The following SLC39A11 variants were observed in gnomAD, a reference collection of about 807,000 sequenced individuals.
SLC39A11 encodes the protein zinc transporter ZIP11.
In SLC39A11, 33 loss-of-function variants were observed where a neutral mutation model predicts 36.1. That is an observed-to-expected ratio of 0.91 (90% CI 0.69 to 1.22). The LOEUF (loss-of-function observed/expected upper bound fraction) is 1.22, where lower values mean the gene tolerates loss of function less well. Ranked by LOEUF, SLC39A11 falls within the 50% of genes most tolerant of loss-of-function variation. The pLI is 0.00. For synonymous variants in SLC39A11, 166 were observed against 170.3 expected (o/e 0.97, Z 0.20); for missense variants, 432 against 430.3 (o/e 1.00, Z -0.03).
At position 73,078,492 on chromosome 17, in the gene SLC39A11, G is replaced by GTT. The variant is rs200061489; in HGVS notation, c.147+6314_147+6315dup. Among the ~76,000 whole-genome samples the GTT allele has an allele frequency of 6.2e-4, 87 of 140,518 alleles. 1 individual carries two copies. Among genetic ancestry groups the GTT allele is most frequent in the African/African-American group, 1.2e-3 (47 of 38,884 alleles). The allele number at this position is 140,518 out of a possible 152,430, so 92.2% of individuals were successfully genotyped here. ...TTAGTCTTTTGTTTGTTTGTTTTTT[G>GTT]TTGTTTTTTTTTTTGAGACGGTCTC... On this transcript the variant is annotated intron_variant, in intron 3 of 9. Transcript: ENST00000255559.
chr17:73,068,096 G>C, intron 3 of SLC39A11: 12 of 1,425,732 alleles, frequency 8.4e-6, no homozygotes, highest in Non-Finnish European at 1.2e-5. Flanking sequence ...CATAATAGGA[G>C]TATCTCCCAC....
chr17:72,932,822 G>A (rs957850118), intron 5 of SLC39A11, among the ~76,000 whole-genome samples: 13 of 152,258 alleles, frequency 8.5e-5, no homozygotes, highest in Non-Finnish European at 1.6e-4. Context: ...TCTAGCAGCC[G>A]CTAAGGAGTC....
At chr17:72,737,337 T>C (rs1463063775) in intron 6 of SLC39A11, among the ~76,000 whole-genome samples, 1 of 152,164 alleles carries the variant, frequency 6.6e-6, no homozygotes, top group African/African-American at 2.4e-5. Flanking sequence ...GTAAATGAAG[T>C]TGTACTGGCA....
At chr17:72,842,942 G>A (rs1384730433) in intron 6 of SLC39A11, among the ~76,000 whole-genome samples, 7 of 151,940 alleles carry the variant, frequency 4.6e-5, no homozygotes, top group Admixed American at 4.6e-4. Context: ...CTAAAGGGGA[G>A]GGTTTTTTGC....
Position 72,762,762 on chromosome 17 carries a change from C to T in SLC39A11, c.602-26043G>A, listed in dbSNP as rs17836559. Among the ~76,000 whole-genome samples, 744 of 152,268 alleles carry T rather than the reference C, an allele frequency of 4.9e-3. 17 individuals are homozygous for T. The East Asian group carries it at 0.07, about 14-fold the overall frequency. On this transcript the variant is annotated intron_variant, in intron 6 of 9. Coordinates refer to ENST00000255559, the MANE Select transcript of SLC39A11 (RefSeq NM_139177.4). ...ATTGCGTACCTCCTTAACCTTGTTTCCTCAGACCCATGGCAGACCTTCCCA... is the reference window on the plus strand; with the variant it reads ...ATTGCGTACCTCCTTAACCTTGTTTTCTCAGACCCATGGCAGACCTTCCCA...
At chr17:72,977,287 C>T (rs1183555142) in intron 4 of SLC39A11, among the ~76,000 whole-genome samples, 1 of 152,192 alleles carries the variant, frequency 6.6e-6, no homozygotes, top group Non-Finnish European at 1.5e-5. Flanking sequence ...CTCCCGCAGC[C>T]CTGCTGTATC....
At chr17:72,754,041 T>TAC (rs1241544622) in intron 6 of SLC39A11, among the ~76,000 whole-genome samples, 23 of 54,540 alleles carry the variant, frequency 4.2e-4, no homozygotes, top group Non-Finnish European at 6.8e-4. Context: ...TATATATATA[T>TAC]ATATACACAT....
At chr17:72,998,068 A>G (rs934606831) in intron 4 of SLC39A11, among the ~76,000 whole-genome samples, 3 of 152,168 alleles carry the variant, frequency 2.0e-5, no homozygotes, top group Non-Finnish European at 4.4e-5. Flanking sequence ...CTGTTGCACC[A>G]CGGGGTATGT....
intron 3 of SLC39A11, among the ~76,000 whole-genome samples, chr17:73,081,186 A>T (rs1343391472): frequency 6.6e-6 from 1 of 152,174 alleles, no homozygotes; most frequent in Non-Finnish European, 1.5e-5. Context: ...TTCTCAAATG[A>T]AGATATACAA....
Position 72,947,826 on chromosome 17 carries a change from G to T in SLC39A11, c.356C>A (p.Thr119Lys), listed in dbSNP as rs774436041. 1 of 1,614,136 alleles carries T rather than the reference G, an allele frequency of 6.2e-7. No individual in the cohort carries two copies. The highest frequency in any genetic ancestry group is 8.5e-7 in the Non-Finnish European group (1 of 1,180,036). The change falls in exon 5 of 10, where the codon ACG becomes AAG. Residue 119 changes from threonine to lysine, a missense_variant. Transcript: ENST00000255559. ...AGGATCAGACTTCTTCTTCATCAAC[G>T]TAGAGCCGAAGTTCAGTGCCAGGGT... ...QTTLALNFGS[T>K]LMKKKSDPEG...
chr17:72,883,137 C>T (rs140641815), intron 5 of SLC39A11, among the ~76,000 whole-genome samples: 41 of 152,194 alleles, frequency 2.7e-4, no homozygotes, highest in African/African-American at 9.6e-4. Flanking sequence ...GGGTTCATCA[C>T]GCAGTCCTGC....
intron 5 of SLC39A11, among the ~76,000 whole-genome samples, chr17:72,861,662 TATATATATATATATATATATATATATAAA>T (rs949514764): frequency 6.1e-5 from 5 of 82,056 alleles, no homozygotes; most frequent in South Asian, 5.8e-4. Flanking sequence ...ACACATTATA[TATATATATATATATATATATATATATAAA>T]ATATATATAT....
intron 3 of SLC39A11, chr17:73,068,364 C>G (rs893065834): frequency 2.0e-6 from 1 of 512,260 alleles, no homozygotes; most frequent in Non-Finnish European, 3.4e-6. Context: ...TCAGTCAAAT[C>G]TAATCCTCAT....
chr17:72,781,989 T>A lies in SLC39A11; in HGVS notation c.602-45270A>T, dbSNP rs2076334936. 1.3e-5 allele frequency among the ~76,000 whole-genome samples: 2 copies of A among 152,100 alleles called. 1 individual carries two copies. Among genetic ancestry groups the A allele is most frequent in the African/African-American group, 4.8e-5 (2 of 41,418 alleles). On this transcript the variant is annotated intron_variant, in intron 6 of 9. Transcript: ENST00000255559. ...GCCTCTCTCTATATATACATATACA[T>A]ACATATATTCAAGTCCCAATCCCCT...
intron 5 of SLC39A11, among the ~76,000 whole-genome samples, chr17:72,861,555 G>T (rs2079985623): frequency 6.6e-6 from 1 of 150,638 alleles, no homozygotes; most frequent in South Asian, 2.1e-4. Flanking sequence ...TGGTTATCCA[G>T]AGCAGACTAT....
chr17:72,900,872 C>T (rs899971194), intron 5 of SLC39A11, among the ~76,000 whole-genome samples: 1 of 152,034 alleles, frequency 6.6e-6, no homozygotes, highest in African/African-American at 2.4e-5. Context: ...GGCGACAGCA[C>T]AGTGAGGGTC....
chr17:72,676,215 G>A (rs377002102), intron 7 of SLC39A11, among the ~76,000 whole-genome samples: 9 of 152,072 alleles, frequency 5.9e-5, no homozygotes, highest in East Asian at 3.9e-4. Flanking sequence ...TAAACATGTC[G>A]AAAGCAAAAT....
rs910246776 is a variant in SLC39A11, at chr17:72,914,007, T to C, written c.430+33745A>G. Among the ~76,000 whole-genome samples, 3 of 101,204 alleles carry C rather than the reference T, an allele frequency of 3.0e-5. No individual in the cohort carries two copies. The Admixed American group carries it at 3.4e-4, about 11-fold the overall frequency. 66.4% of individuals were successfully genotyped at this position (101,204 alleles called of 152,430 possible). A position where few individuals can be genotyped will look rare whatever the true frequency, so the allele number is the denominator to read the frequency against. ...TCAACCTACCATGAATTTAAAATAA[T>C]TGAAAGAAAAAAAAAGGCTGGGTGT... On this transcript the variant is annotated intron_variant, in intron 5 of 9. Transcript: ENST00000255559.
chr17:72,888,232 T>C (rs898592496), intron 5 of SLC39A11, among the ~76,000 whole-genome samples: 1 of 152,246 alleles, frequency 6.6e-6, no homozygotes, highest in Admixed American at 6.5e-5. Flanking sequence ...TTCCACATTT[T>C]AAGCTCGAAT....
Sources: gnomAD v4.1 joint callset for allele counts (sites outside exome capture counted in the v4.1 genomes callset) on GRCh38, gnomAD v4.1.1 for gene constraint, MANE v1.5 for transcripts, NCBI Gene and HGNC (gene_info 2026-07-23, HGNC 2026-07-21) for gene names.